GDAP1: variants seen among roughly 807,000 people sequenced by gnomAD.
The protein encoded by GDAP1 is ganglioside-induced differentiation-associated protein 1.
A neutral mutation model predicts 40.1 loss-of-function variants in GDAP1; 34 were observed. The observed-to-expected ratio is 0.85, with a 90% CI of 0.64 to 1.13. The LOEUF (loss-of-function observed/expected upper bound fraction) is 1.13. Ranked by LOEUF, GDAP1 falls within the 50% of genes most tolerant of loss-of-function variation. GDAP1 has a pLI of 0.00. For missense variants in GDAP1, 374 were observed against 433.7 expected, an observed-to-expected ratio of 0.86 and a Z score of 1.22; for synonymous variants, 170 against 157.4, an observed-to-expected ratio of 1.08 and a Z score of -0.60.
intron 2 of GDAP1, among the ~76,000 whole-genome samples, chr8:74,353,274 A>T (rs1808959108): frequency 6.6e-6 from 1 of 152,196 alleles, no homozygotes; most frequent in East Asian, 1.9e-4. Context: ...TTCTGGTTGA[A>T]CTATTATTGT....
At chr8:74,387,183 G>T (rs1046215911) in intron 2 of GDAP1, among the ~76,000 whole-genome samples, 6 of 152,104 alleles carry the variant, frequency 3.9e-5, no homozygotes, top group Admixed American at 3.9e-4. Flanking sequence ...TCTTTCTCTT[G>T]CCTAATTGGC....
Position 74,364,588 on chromosome 8 carries a change from G to A in GDAP1, c.*221G>A, listed in dbSNP as rs1809533994. 1 of 668,646 alleles carries A rather than the reference G, an allele frequency of 1.5e-6. No individual in the cohort carries two copies. The highest frequency in any genetic ancestry group is 2.7e-6 in the Non-Finnish European group (1 of 365,788). 41.4% of individuals were successfully genotyped at this position (668,646 alleles called of 1,614,324 possible). On this transcript the variant is annotated 3_prime_UTR_variant, in exon 6 of 6. Coordinates refer to ENST00000220822, the MANE Select transcript of GDAP1 (RefSeq NM_018972.4). ...CCAGGCAGAAATAGGAAGGCAAAGAGATAAGAGAAGGAAAAATGAGAGAAT... is the reference window on the plus strand; with the variant it reads ...CCAGGCAGAAATAGGAAGGCAAAGAAATAAGAGAAGGAAAAATGAGAGAAT...
At chr8:74,387,537 G>C (rs1201300564) in intron 2 of GDAP1, among the ~76,000 whole-genome samples, 3 of 152,218 alleles carry the variant, frequency 2.0e-5, no homozygotes, top group Admixed American at 6.5e-5. Flanking sequence ...AAACCGACTT[G>C]ATCATGGTGG....
intron 2 of GDAP1, among the ~76,000 whole-genome samples, chr8:74,394,778 T>G (rs1810168211): frequency 6.6e-6 from 1 of 152,006 alleles, no homozygotes; most frequent in Non-Finnish European, 1.5e-5. Flanking sequence ...ATACTGCTGG[T>G]GACAGAAGGA....
intron 2 of GDAP1, among the ~76,000 whole-genome samples, chr8:74,374,502 G>GA (rs143433448): frequency 0.041 from 6,183 of 149,270 alleles, 413 homozygotes; most frequent in African/African-American, 0.14. Flanking sequence ...TAAGTAGAAG[G>GA]AAAAAAAAAT....
At position 74,365,120 on chromosome 8, in the gene GDAP1, A is replaced by G; in HGVS notation, c.*753A>G. On this transcript the variant is annotated 3_prime_UTR_variant, in exon 6 of 6. Coordinates refer to ENST00000220822, the MANE Select transcript of GDAP1 (RefSeq NM_018972.4). The stretch of plus-strand genomic sequence containing the variant: ...CATCTGTAGCCCTCTTCATACACAT[A>G]AGTGGCATTTAGGTGAATGTCCCAG... 2.2e-6 allele frequency: 1 copy of G among 454,052 alleles called. No individual in the cohort carries two copies. Among genetic ancestry groups the G allele is most frequent in the South Asian group, 1.6e-5 (1 of 64,464 alleles). The allele number at this position is 454,052 out of a possible 1,614,324, so 28.1% of individuals were successfully genotyped here. A position where few individuals can be genotyped will look rare whatever the true frequency, so the allele number is the denominator to read the frequency against.
intron 2 of GDAP1, among the ~76,000 whole-genome samples, chr8:74,385,493 G>A (rs1345998069): frequency 6.6e-6 from 1 of 152,038 alleles, no homozygotes; most frequent in Non-Finnish European, 1.5e-5. Context: ...CCATGTCCCT[G>A]CAAAGAACAC....
In GDAP1 at chr8:74,388,592, C is replaced by T. The variant is rs142707718; in HGVS notation, c.165+37271C>T. On this transcript the variant is annotated intron_variant, in intron 2 of 2. Transcript: ENST00000523640. ...TTTGCCTTTGCTGAGGAGTGTTTTACTTCCAATTATGTGGTCGATTTTATA... is the reference window on the plus strand; with the variant it reads ...TTTGCCTTTGCTGAGGAGTGTTTTATTTCCAATTATGTGGTCGATTTTATA... 5.7e-3 allele frequency among the ~76,000 whole-genome samples: 866 copies of T among 152,162 alleles called. 7 individuals carry two copies. Among genetic ancestry groups the T allele is most frequent in the Middle Eastern group, 0.014 (4 of 294 alleles).
intron 2 of GDAP1, among the ~76,000 whole-genome samples, chr8:74,437,528 A>T (rs1806107376): frequency 6.6e-6 from 1 of 152,048 alleles, no homozygotes; most frequent in Non-Finnish European, 1.5e-5. Context: ...TATACTTGAG[A>T]CCCCTACATG....
intron 2 of GDAP1, among the ~76,000 whole-genome samples, chr8:74,428,780 G>A (rs1805987402): frequency 6.6e-6 from 1 of 150,620 alleles, no homozygotes; most frequent in Admixed American, 6.7e-5. Context: ...CCCATGCCTG[G>A]CCCAGAGGTT....
intron 2 of GDAP1, among the ~76,000 whole-genome samples, chr8:74,429,310 A>T (rs182910688): frequency 1.3e-5 from 2 of 152,030 alleles, no homozygotes; most frequent in Non-Finnish European, 2.9e-5. Context: ...TAAAAAATAT[A>T]TATATAATAA....
chr8:74,477,145 A>G (rs567266806), intron 2 of GDAP1, among the ~76,000 whole-genome samples: 1 of 152,170 alleles, frequency 6.6e-6, no homozygotes, highest in East Asian at 1.9e-4. Flanking sequence ...AGTCAGTTAC[A>G]TTCTTTTCTC....
chr8:74,413,775 A>C (rs1805744464), intron 2 of GDAP1, among the ~76,000 whole-genome samples: 1 of 147,474 alleles, frequency 6.8e-6, no homozygotes, highest in Non-Finnish European at 1.5e-5. Flanking sequence ...AAGTGGTTGC[A>C]ACCATAGGAA....
intron 2 of GDAP1, among the ~76,000 whole-genome samples, chr8:74,405,118 C>G (rs1345124345): frequency 6.7e-6 from 1 of 150,026 alleles, no homozygotes; most frequent in Non-Finnish European, 1.5e-5. Context: ...GCCTCACAGT[C>G]ATGGCAGAAG....
At chr8:74,421,529 G>A (rs970064872) in intron 2 of GDAP1, among the ~76,000 whole-genome samples, 1 of 152,094 alleles carries the variant, frequency 6.6e-6, no homozygotes, top group African/African-American at 2.4e-5. Context: ...CCTACAACCT[G>A]AAGAGCTAAG....
At chr8:74,443,101 T>C (rs903018905) in intron 2 of GDAP1, among the ~76,000 whole-genome samples, 2 of 152,274 alleles carry the variant, frequency 1.3e-5, no homozygotes, top group South Asian at 2.1e-4. Flanking sequence ...GGTTATTCCC[T>C]ATGTGGACTG....
rs13277154 is a variant in GDAP1, at chr8:74,398,760, A to T, written c.165+47439A>T. On this transcript the variant is annotated intron_variant, in intron 2 of 2. Coordinates refer to the GDAP1 transcript ENST00000523640. Reference sequence around the variant, plus strand: ...TTTATTGAGAGTTTTTAGCATGAAGAGTTGTTGAATTTTGTCAAAGGCCTT... The same window carrying T: ...TTTATTGAGAGTTTTTAGCATGAAGTGTTGTTGAATTTTGTCAAAGGCCTT... Among the ~76,000 whole-genome samples, 26 of 152,014 alleles carry T rather than the reference A, an allele frequency of 1.7e-4. No homozygotes were observed. The East Asian group carries it at 3.1e-3, about 18-fold the overall frequency.
intron 2 of GDAP1, among the ~76,000 whole-genome samples, chr8:74,357,353 T>G (rs1003493875): frequency 6.6e-6 from 1 of 152,208 alleles, no homozygotes; most frequent in Non-Finnish European, 1.5e-5. Context: ...TAATTTCTTT[T>G]TATGTTTTAC....
downstream of GDAP1, among the ~76,000 whole-genome samples, chr8:74,371,076 T>C (rs531064900): frequency 1.3e-4 from 20 of 152,350 alleles, no homozygotes; most frequent in African/African-American, 4.3e-4. Context: ...ATAGAAGATC[T>C]GAGCACACTG....
Sources: allele counts gnomAD v4.1 joint callset (sites outside exome capture counted in the v4.1 genomes callset), GRCh38; gene constraint gnomAD v4.1.1; transcripts MANE v1.5; gene names NCBI Gene and HGNC (gene_info 2026-07-23, HGNC 2026-07-21).